LINC00632: variants seen among roughly 807,000 people sequenced by gnomAD.
LINC00632 encodes the protein long independently transcribed non-coding RNA 632.
intron 3 of LINC00632, among the ~76,000 whole-genome samples, chrX:140,754,661 T>A (rs958599440): frequency 9.0e-5 from 10 of 110,940 alleles, no homozygotes; most frequent in African/African-American, 3.3e-4. Flanking sequence ...AGTGTGGCTA[T>A]CTCCTAGGTA....
At chrX:140,744,511 G>A (rs775436440) in intron 3 of LINC00632, among the ~76,000 whole-genome samples, 1 of 98,624 alleles carries the variant, frequency 1.0e-5, no homozygotes, top group Non-Finnish European at 2.0e-5. Flanking sequence ...ATCTGTGCAG[G>A]TGCCTATAGG....
chrX:140,726,931 C>T (rs1402644692), intron 2 of LINC00632, among the ~76,000 whole-genome samples: 1 of 111,916 alleles, frequency 8.9e-6, no homozygotes, highest in Non-Finnish European at 1.9e-5. Context: ...TCTTGTGCAG[C>T]AGGTCTAAGA....
chrX:140,724,725 CAT>C (rs1340685039), intron 2 of LINC00632, among the ~76,000 whole-genome samples: 6 of 84,887 alleles, frequency 7.1e-5, no homozygotes, highest in South Asian at 5.6e-4. Context: ...AGACACATTC[CAT>C]ATACACACAC....
intron 3 of LINC00632, chrX:140,772,020 A>G: frequency 3.7e-6 from 1 of 272,369 alleles, no homozygotes; most frequent in Non-Finnish European, 6.4e-6. Flanking sequence ...TAAGCTACTC[A>G]TTTAGATTGC....
At chrX:140,765,426 C>T (rs759398174) in intron 3 of LINC00632, among the ~76,000 whole-genome samples, 2 of 112,263 alleles carry the variant, frequency 1.8e-5, no homozygotes, top group Non-Finnish European at 1.9e-5. Flanking sequence ...CGAGGGGAAA[C>T]TGCACTCCCT....
chrX:140,736,678 G>C (rs1288354164), intron 3 of LINC00632, among the ~76,000 whole-genome samples: 1 of 108,163 alleles, frequency 9.2e-6, no homozygotes, highest in South Asian at 4.0e-4. Context: ...CTCGTGATCC[G>C]CCCATCTAGG....
At chrX:140,771,725 G>A (rs1162604327) in intron 3 of LINC00632, among the ~76,000 whole-genome samples, 4 of 97,983 alleles carry the variant, frequency 4.1e-5, no homozygotes, top group Non-Finnish European at 8.1e-5. Context: ...TGTCACCCAG[G>A]CTGGAGTGCA....
At chrX:140,713,823 G>C (rs766156980) in intron 2 of LINC00632, 5 of 316,994 alleles carry the variant, frequency 1.6e-5, no homozygotes, top group African/African-American at 5.4e-5. Context: ...CACCCCGCAT[G>C]ACACAGACTT....
At chrX:140,790,598 C>T (rs1320304805) in exon 5 of LINC00632, among the ~76,000 whole-genome samples, 1 of 110,396 alleles carries the variant, frequency 9.1e-6, no homozygotes, top group Admixed American at 9.8e-5. Flanking sequence ...AAAATTAATC[C>T]CTTGGAAATG....
chrX:140,753,473 C>T (rs1180331906), intron 3 of LINC00632, among the ~76,000 whole-genome samples: 3 of 111,260 alleles, frequency 2.7e-5, no homozygotes, highest in Non-Finnish European at 3.8e-5. Flanking sequence ...AGCATAATCT[C>T]ATGGTGGAAG....
At chrX:140,717,769 C>T (rs1341161066) in intron 2 of LINC00632, among the ~76,000 whole-genome samples, 1 of 111,738 alleles carries the variant, frequency 8.9e-6, no homozygotes, top group Non-Finnish European at 1.9e-5. Flanking sequence ...CTTGAACTCT[C>T]TGTGCCCCAG....
chrX:140,758,459 C>T (rs1053247696), intron 3 of LINC00632, among the ~76,000 whole-genome samples: 5 of 107,262 alleles, frequency 4.7e-5, no homozygotes, highest in African/African-American at 1.4e-4. Flanking sequence ...CTGCAGCCTC[C>T]GCCTCCCAGG....
At chrX:140,710,573 C>T (rs1228346278) in intron 1 of LINC00632, among the ~76,000 whole-genome samples, 4 of 107,432 alleles carry the variant, frequency 3.7e-5, no homozygotes, top group African/African-American at 1.4e-4. Context: ...TTCTTATCAA[C>T]GAAGCTTTAA....
chrX:140,728,150 G>C (rs751668356), intron 2 of LINC00632, among the ~76,000 whole-genome samples: 4 of 108,845 alleles, frequency 3.7e-5, no homozygotes, highest in African/African-American at 1.0e-4. Flanking sequence ...TGAGGCAGGA[G>C]ACTCACTTAA....
At chrX:140,769,282 A>T (rs749193341) in intron 3 of LINC00632, among the ~76,000 whole-genome samples, 4 of 111,714 alleles carry the variant, frequency 3.6e-5, no homozygotes, top group Non-Finnish European at 7.5e-5. Context: ...GGGCCAGATC[A>T]TGGAGGGCCT....
Position 140,742,877 on chromosome X carries a change from G to GGAAGGA in LINC00632, n.191+8913_191+8914insGAAGGA, listed in dbSNP as rs1556023996. ...AGAGAGAGAGAGAGAGAGAGAGAGA[G>GGAAGGA]AGGAAGGAAGGAAGGAAGGAAAGGA... On this transcript the variant is annotated intron_variant and non_coding_transcript_variant, in intron 3 of 4. Transcript: ENST00000648200. 7.4e-3 allele frequency among the ~76,000 whole-genome samples: 698 copies of GGAAGGA among 94,433 alleles called. 13 individuals carry two copies. The highest frequency in any genetic ancestry group is 0.027 in the African/African-American group (663 of 24,389). The allele number at this position is 94,433 out of a possible 115,157, so 82.0% of individuals were successfully genotyped here.
chrX:140,729,188 G>C (rs754289518), intron 2 of LINC00632, among the ~76,000 whole-genome samples: 2 of 110,436 alleles, frequency 1.8e-5, no homozygotes, highest in East Asian at 5.7e-4. Flanking sequence ...CACAACCTTC[G>C]CCTGCACCCC....
chrX:140,719,902 A>C (rs1569347552), intron 2 of LINC00632, among the ~76,000 whole-genome samples: 1 of 109,004 alleles, frequency 9.2e-6, no homozygotes, highest in Non-Finnish European at 1.9e-5. Context: ...AGCCTGGCCA[A>C]CATGGTGAAA....
At chrX:140,739,614 A>G (rs1320643920) in intron 3 of LINC00632, among the ~76,000 whole-genome samples, 2 of 111,827 alleles carry the variant, frequency 1.8e-5, no homozygotes, top group Non-Finnish European at 3.8e-5. Flanking sequence ...TCATATTCAT[A>G]GAATTTTAAT....
Sources: gnomAD v4.1 joint callset for allele counts (sites outside exome capture counted in the v4.1 genomes callset) on GRCh38, gnomAD v4.1.1 for gene constraint, MANE v1.5 for transcripts, NCBI Gene and HGNC (gene_info 2026-07-23, HGNC 2026-07-21) for gene names.